The following TNKS variants were observed in gnomAD, a reference collection of about 807,000 sequenced individuals.
TNKS encodes the protein poly [ADP-ribose] polymerase tankyrase-1.
A neutral mutation model predicts 135.8 loss-of-function variants in TNKS; 72 were observed. That is an observed-to-expected ratio of 0.53 (90% confidence interval 0.44 to 0.64). The LOEUF (loss-of-function observed/expected upper bound fraction) is 0.64, where lower values mean the gene tolerates loss of function less well. Among genes scored for constraint, TNKS ranks in the 30% least tolerant of loss-of-function variants. The pLI is 0.00. For missense variants in TNKS, 1,769 were observed against 1,674.0 expected (o/e 1.06, Z -0.99); for synonymous variants, 849 against 649.3 (o/e 1.31, Z -4.68).
chr8:9,677,132 G>A (rs1462962231), intron 3 of TNKS, among the ~76,000 whole-genome samples: 1 of 152,230 alleles, frequency 6.6e-6, no homozygotes, highest in East Asian at 1.9e-4. Flanking sequence ...TTGAAAAATC[G>A]CTTCAGCTGT....
chr8:9,619,921 A>G (rs994184707), intron 3 of TNKS, among the ~76,000 whole-genome samples: 1 of 151,804 alleles, frequency 6.6e-6, no homozygotes, highest in Admixed American at 6.6e-5. Context: ...ATTTTGCTGA[A>G]ACCAAAATTT....
intron 5 of TNKS, among the ~76,000 whole-genome samples, chr8:9,688,229 G>T (rs1206415025): frequency 5.9e-5 from 9 of 152,110 alleles, no homozygotes; most frequent in Admixed American, 5.9e-4. Flanking sequence ...TCATTTGACA[G>T]TAGAGTATTC....
chr8:9,592,189 T>C (rs1176901504), intron 2 of TNKS, among the ~76,000 whole-genome samples: 1 of 152,238 alleles, frequency 6.6e-6, no homozygotes, highest in Admixed American at 6.5e-5. Context: ...CTGTTTTTAA[T>C]AGCTTGTTGC....
chr8:9,773,479 G>A (rs760095636), intron 26 of TNKS, among the ~76,000 whole-genome samples: 15 of 151,848 alleles, frequency 9.9e-5, no homozygotes, highest in Non-Finnish European at 2.1e-4. Context: ...GTTATCACTG[G>A]GCATTAATGA....
At chr8:9,741,372 T>C (rs1805950669) in intron 17 of TNKS, among the ~76,000 whole-genome samples, 1 of 152,188 alleles carries the variant, frequency 6.6e-6, no homozygotes, top group African/African-American at 2.4e-5. Flanking sequence ...AAGGCTTATG[T>C]TACACTGTCA....
intron 3 of TNKS, among the ~76,000 whole-genome samples, chr8:9,638,738 G>T (rs946447309): frequency 2.0e-5 from 3 of 152,156 alleles, no homozygotes; most frequent in Admixed American, 1.3e-4. Context: ...TTTGAAAAAT[G>T]TGAGGTAGAA....
chr8:9,594,196 T>C (rs958666629), intron 2 of TNKS, among the ~76,000 whole-genome samples: 1 of 152,148 alleles, frequency 6.6e-6, no homozygotes, highest in African/African-American at 2.4e-5. Flanking sequence ...TATCTCCTGT[T>C]ATTTTAAGTA....
At chr8:9,774,635 T>C (rs1252581045) in intron 26 of TNKS, among the ~76,000 whole-genome samples, 1 of 152,182 alleles carries the variant, frequency 6.6e-6, no homozygotes, top group Non-Finnish European at 1.5e-5. Context: ...CTGTAATTGA[T>C]TAATTAGTAA....
intron 2 of TNKS, among the ~76,000 whole-genome samples, chr8:9,607,054 G>A (rs1019406747): frequency 3.3e-5 from 5 of 151,912 alleles, no homozygotes; most frequent in Admixed American, 2.6e-4. Context: ...GTCTCTTTTT[G>A]CATTCTTAAA....
chr8:9,768,030 T>C (rs1344341534), intron 25 of TNKS, among the ~76,000 whole-genome samples: 1 of 148,856 alleles, frequency 6.7e-6, no homozygotes, highest in Non-Finnish European at 1.5e-5. Flanking sequence ...TTTTGGGTTT[T>C]TTTGTTTGTT....
rs769938446 is a variant in TNKS, at chr8:9,556,269, T to C, written c.330T>C (p.Thr110=). The C allele has an allele frequency of 6.2e-7, 1 of 1,614,230 alleles. No individual in the cohort carries two copies. Among genetic ancestry groups the C allele is most frequent in the Non-Finnish European group, 8.5e-7 (1 of 1,180,030 alleles). The change falls in exon 1 of 27, where the codon ACT becomes ACC. Residue 110 remains threonine, a synonymous_variant. Coordinates refer to ENST00000310430, the MANE Select transcript of TNKS (RefSeq NM_003747.3). ...CTCCCGTGGTCCCAGCGGTTTCTACTTCATCTGCCGCTGGGGTCGCTCCCA... is the reference window on the plus strand; with the variant it reads ...CTCCCGTGGTCCCAGCGGTTTCTACCTCATCTGCCGCTGGGGTCGCTCCCA... ...AAAPVVPAVS[T]SSAAGVAPNP...
chr8:9,565,986 ATATATAT>A (rs1390243193), intron 1 of TNKS, among the ~76,000 whole-genome samples: 4 of 152,194 alleles, frequency 2.6e-5, no homozygotes, highest in African/African-American at 7.2e-5. Flanking sequence ...ATATGTTGAC[ATATATAT>A]TATATACATA....
chr8:9,629,286 G>A (rs989339516), intron 3 of TNKS, among the ~76,000 whole-genome samples: 2 of 152,196 alleles, frequency 1.3e-5, no homozygotes, highest in African/African-American at 2.4e-5. Context: ...TAATCTTGCC[G>A]AGGAGTGACA....
At chr8:9,629,515 T>G (rs1800202190) in intron 3 of TNKS, among the ~76,000 whole-genome samples, 1 of 152,260 alleles carries the variant, frequency 6.6e-6, no homozygotes, top group African/African-American at 2.4e-5. Flanking sequence ...GCTTTTCCTG[T>G]TGCTCCTGTA....
chr8:9,642,008 G>A (rs530846489), intron 3 of TNKS, among the ~76,000 whole-genome samples: 1 of 146,168 alleles, frequency 6.8e-6, no homozygotes, highest in Non-Finnish European at 1.5e-5. Context: ...TTGCACTTCT[G>A]AACTACAACA....
intron 5 of TNKS, among the ~76,000 whole-genome samples, chr8:9,703,806 T>C (rs1022975089): frequency 6.6e-6 from 1 of 152,222 alleles, no homozygotes; most frequent in Non-Finnish European, 1.5e-5. Context: ...AAACCCGTTA[T>C]GGTATTTAAA....
intron 1 of TNKS, among the ~76,000 whole-genome samples, chr8:9,579,680 G>A (rs917442795): frequency 2.0e-5 from 3 of 152,110 alleles, no homozygotes; most frequent in Non-Finnish European, 2.9e-5. Flanking sequence ...TGTTGGCCAG[G>A]CTGGTCTTGA....
chr8:9,700,911 T>C (rs1302858409), intron 5 of TNKS, among the ~76,000 whole-genome samples: 1 of 149,134 alleles, frequency 6.7e-6, no homozygotes, highest in Non-Finnish European at 1.5e-5. Context: ...TGAAAACTAG[T>C]TAAATTTTTC....
intron 3 of TNKS, among the ~76,000 whole-genome samples, chr8:9,655,242 C>T (rs796460082): frequency 4.6e-5 from 7 of 152,180 alleles, no homozygotes; most frequent in African/African-American, 1.4e-4. Flanking sequence ...CAAAGCAGCC[C>T]GGAAACTCGA....
Sources: allele counts gnomAD v4.1 joint callset (sites outside exome capture counted in the v4.1 genomes callset), GRCh38; gene constraint gnomAD v4.1.1; transcripts MANE v1.5; gene names NCBI Gene and HGNC (gene_info 2026-07-23, HGNC 2026-07-21).